CSMD1: variants seen among roughly 807,000 people sequenced by gnomAD.
The protein encoded by CSMD1 is CUB and Sushi multiple domains 1.
CSMD1 carries 213 observed loss-of-function variants against 417.5 expected under a neutral mutation model. The ratio of observed to expected loss-of-function variants is 0.51; its 90% CI spans 0.46 to 0.57. CSMD1 has a LOEUF of 0.57. Among genes scored for constraint, CSMD1 ranks in the 20% least tolerant of loss-of-function variants. The pLI is 0.00. For synonymous variants in CSMD1, 2,862 were observed against 1,736.8 expected (o/e 1.65, Z -16.11); for missense variants, 6,923 against 4,529.7 (o/e 1.53, Z -15.17).
At chr8:3,709,777 C>A (rs1045202985) in intron 6 of CSMD1, among the ~76,000 whole-genome samples, 1 of 146,540 alleles carries the variant, frequency 6.8e-6, no homozygotes, top group East Asian at 2.1e-4. Context: ...GCTGACTTAC[C>A]CCTTTCAGGT....
chr8:3,961,930 C>A (rs1362747352), intron 5 of CSMD1, among the ~76,000 whole-genome samples: 3 of 152,152 alleles, frequency 2.0e-5, no homozygotes, highest in African/African-American at 7.2e-5. Context: ...TGGGCTTGGG[C>A]GCTTTCTTCC....
At chr8:4,605,694 T>C (rs1374227282) in intron 2 of CSMD1, among the ~76,000 whole-genome samples, 1 of 152,184 alleles carries the variant, frequency 6.6e-6, no homozygotes, top group Admixed American at 6.5e-5. Flanking sequence ...CTGTCCCTTG[T>C]AGAATGCATA....
intron 7 of CSMD1, among the ~76,000 whole-genome samples, chr8:3,706,078 C>T (rs890508738): frequency 1.3e-5 from 2 of 152,220 alleles, no homozygotes; most frequent in African/African-American, 4.8e-5. Flanking sequence ...CGCGCTGGAA[C>T]GTGGCCTGGC....
intron 23 of CSMD1, among the ~76,000 whole-genome samples, chr8:3,312,533 C>T (rs1157372948): frequency 6.6e-6 from 1 of 152,174 alleles, no homozygotes; most frequent in Non-Finnish European, 1.5e-5. Context: ...CTGAAGAGAG[C>T]TTTGTTCTCT....
At chr8:3,963,317 C>G (rs985947786) in intron 5 of CSMD1, among the ~76,000 whole-genome samples, 3 of 152,096 alleles carry the variant, frequency 2.0e-5, no homozygotes, top group African/African-American at 7.2e-5. Flanking sequence ...GGCTCTCACC[C>G]AGATAAGCCA....
At chr8:3,180,134 A>G (rs191839401) in intron 37 of CSMD1, among the ~76,000 whole-genome samples, 8 of 152,244 alleles carry the variant, frequency 5.3e-5, no homozygotes, top group Non-Finnish European at 8.8e-5. Flanking sequence ...GCTTGAAAAC[A>G]GGTCCTAAAA....
At chr8:4,194,535 T>G (rs1584999301) in intron 3 of CSMD1, among the ~76,000 whole-genome samples, 1 of 152,230 alleles carries the variant, frequency 6.6e-6, no homozygotes, top group South Asian at 2.1e-4. Flanking sequence ...AACAACTATT[T>G]TTATTATAAT....
chr8:3,857,982 G>C (rs1159702325), intron 5 of CSMD1, among the ~76,000 whole-genome samples: 1 of 152,180 alleles, frequency 6.6e-6, no homozygotes, highest in Non-Finnish European at 1.5e-5. Context: ...AAATTGTTCG[G>C]CATGGTGCGG....
At position 3,114,453 on chromosome 8, in the gene CSMD1, A is replaced by G. The variant is rs1816731619; in HGVS notation, c.6430+3946T>C. Among the ~76,000 whole-genome samples, 5 of 149,598 alleles carry G rather than the reference A, an allele frequency of 3.3e-5. No individual in the cohort carries two copies. The South Asian group carries it at 1.0e-3, about 31-fold the overall frequency. ...AAATATAATAAATATGTTATAATAT[A>G]TATATTAATATAAAAATATCTTGAC... On this transcript the variant is annotated intron_variant, in intron 42 of 69. Transcript: ENST00000635120.
chr8:3,825,632 A>T (rs545894932), intron 5 of CSMD1, among the ~76,000 whole-genome samples: 81 of 152,284 alleles, frequency 5.3e-4, no homozygotes, highest in African/African-American at 1.1e-3. Flanking sequence ...TTAGGAAATA[A>T]AAGACAACAG....
chr8:4,642,930 G>C (rs983160166), intron 1 of CSMD1, among the ~76,000 whole-genome samples: 7 of 152,214 alleles, frequency 4.6e-5, no homozygotes, highest in African/African-American at 1.7e-4. Flanking sequence ...ATGATACTCT[G>C]TAGCAAATTC....
chr8:4,008,127 A>T (rs923505338), intron 4 of CSMD1, among the ~76,000 whole-genome samples: 1 of 152,210 alleles, frequency 6.6e-6, no homozygotes, highest in Non-Finnish European at 1.5e-5. Context: ...AAGTCAAGGC[A>T]GGTAGAGAAA....
chr8:4,620,493 C>T (rs574030230), intron 2 of CSMD1, among the ~76,000 whole-genome samples: 110 of 151,580 alleles, frequency 7.3e-4, no homozygotes, highest in Non-Finnish European at 1.3e-3. Flanking sequence ...AAAAAAGTTA[C>T]CCCAAGATGA....
intron 2 of CSMD1, among the ~76,000 whole-genome samples, chr8:4,622,351 C>T (rs1173139610): frequency 6.6e-6 from 1 of 152,044 alleles, no homozygotes; most frequent in Non-Finnish European, 1.5e-5. Flanking sequence ...AGGCTCAACA[C>T]TCCACACAGT....
At chr8:3,479,651 C>G (rs1288464183) in intron 11 of CSMD1, among the ~76,000 whole-genome samples, 1 of 152,114 alleles carries the variant, frequency 6.6e-6, no homozygotes, top group Non-Finnish European at 1.5e-5. Flanking sequence ...TTTCATCAAT[C>G]TCATAAAAAA....
At chr8:3,332,356 C>G (rs528920251) in intron 23 of CSMD1, among the ~76,000 whole-genome samples, 1 of 152,208 alleles carries the variant, frequency 6.6e-6, no homozygotes, top group Admixed American at 6.5e-5. Flanking sequence ...AGGGCTTGCC[C>G]GCTCCTCACC....
chr8:4,775,927 C>G (rs890121769), intron 1 of CSMD1, among the ~76,000 whole-genome samples: 1 of 152,144 alleles, frequency 6.6e-6, no homozygotes, highest in Admixed American at 6.5e-5. Context: ...CGCAGCCATC[C>G]TGAATTAGTC....
chr8:4,171,492 T>C (rs926984089), intron 3 of CSMD1, among the ~76,000 whole-genome samples: 1 of 151,924 alleles, frequency 6.6e-6, no homozygotes, highest in Admixed American at 6.6e-5. Context: ...CAGATGCATA[T>C]GTGATCAATC....
At chr8:3,661,313 C>T (rs772510400) in intron 7 of CSMD1, among the ~76,000 whole-genome samples, 3 of 152,158 alleles carry the variant, frequency 2.0e-5, no homozygotes, top group Non-Finnish European at 4.4e-5. Flanking sequence ...TGTGCTCAAA[C>T]AAGGCAAATG....
Sources: allele counts gnomAD v4.1 joint callset (sites outside exome capture counted in the v4.1 genomes callset), GRCh38; gene constraint gnomAD v4.1.1; transcripts MANE v1.5; gene names NCBI Gene and HGNC (gene_info 2026-07-23, HGNC 2026-07-21).